PPP2R5C: variants seen among roughly 807,000 people sequenced by gnomAD.
PPP2R5C encodes protein phosphatase 2 regulatory subunit B'gamma.
PPP2R5C carries 7 observed loss-of-function variants against 68.9 expected under a neutral mutation model. The observed-to-expected ratio is 0.10, with a 90% CI of 0.06 to 0.19. The LOEUF is 0.19. Among genes scored for constraint, PPP2R5C ranks in the 10% least tolerant of loss-of-function variants. The pLI, the probability that PPP2R5C is intolerant of heterozygous loss-of-function variation, is 1.00. For missense variants in PPP2R5C, 348 were observed against 641.3 expected (o/e 0.54, Z 4.94); for synonymous variants, 210 against 222.2 (o/e 0.95, Z 0.49).
intron 5 of PPP2R5C, among the ~76,000 whole-genome samples, chr14:101,886,188 G>T (rs1297667320): frequency 6.6e-6 from 1 of 152,118 alleles, no homozygotes. Context: ...GGCTGAGGCG[G>T]GAGAATGGCG....
At chr14:101,861,721 G>A (rs1215001093) in intron 2 of PPP2R5C, among the ~76,000 whole-genome samples, 3 of 152,316 alleles carry the variant, frequency 2.0e-5, no homozygotes, top group Admixed American at 1.3e-4. Flanking sequence ...GGATGGAGCT[G>A]CCAGCCAAAC....
intron 1 of PPP2R5C, among the ~76,000 whole-genome samples, chr14:101,762,674 T>TG (rs1188952761): frequency 6.6e-6 from 1 of 151,992 alleles, no homozygotes; most frequent in Non-Finnish European, 1.5e-5. Context: ...GTTTTCTGCT[T>TG]GAAGTTTTCA....
intron 3 of PPP2R5C, among the ~76,000 whole-genome samples, chr14:101,802,011 A>G (rs1331045294): frequency 1.3e-5 from 2 of 152,246 alleles, no homozygotes; most frequent in Non-Finnish European, 2.9e-5. Flanking sequence ...AAACCCTCAC[A>G]TAGGTGGTCA....
intron 12 of PPP2R5C, 175 bp downstream of exon 14, chr14:101,912,648 A>G: frequency 7.9e-7 from 1 of 1,269,554 alleles, no homozygotes; most frequent in Non-Finnish European, 1.0e-6. Context: ...ACAAGTACTT[A>G]TTTTGCCCCA....
At chr14:101,823,829 T>C (rs2040234126) in intron 1 of PPP2R5C, 2 of 1,193,584 alleles carry the variant, frequency 1.7e-6, no homozygotes, top group African/African-American at 1.6e-5. Context: ...TACACGGTAC[T>C]TTCTGCTCTC....
rs1293365424 is a variant in PPP2R5C at position 101,856,967 on chromosome 14, G to C, written c.294+82G>C. On this transcript the variant is annotated intron_variant, in intron 2 of 13. Coordinates refer to ENST00000334743, the Ensembl canonical transcript of PPP2R5C. ...CCAAGATCTCTGAGCCTAACACAGT[G>C]CTACCCAGGAGAAGAATCCTCCTGT... 13 of 1,323,030 alleles carry C rather than the reference G, an allele frequency of 9.8e-6. No homozygotes were observed. In the Admixed American group the frequency reaches 1.8e-4, roughly 18 times the overall value. 82.0% of individuals were successfully genotyped at this position (1,323,030 alleles called of 1,614,324 possible). A position where few individuals can be genotyped will look rare whatever the true frequency, so the allele number is the denominator to read the frequency against.
At chr14:101,865,869 T>G (rs1450258929) in intron 2 of PPP2R5C, among the ~76,000 whole-genome samples, 1 of 152,176 alleles carries the variant, frequency 6.6e-6, no homozygotes, top group East Asian at 1.9e-4. Context: ...GGGACTTATT[T>G]CTAATTCTCG....
intron 13 of PPP2R5C, among the ~76,000 whole-genome samples, chr14:101,922,914 A>G (rs1297870378): frequency 5.9e-5 from 9 of 152,248 alleles, no homozygotes; most frequent in Non-Finnish European, 1.0e-4. Flanking sequence ...TTACACCTTT[A>G]TAAGAGGAAG....
chr14:101,907,811 C>T (rs985180916), intron 10 of PPP2R5C, among the ~76,000 whole-genome samples: 1 of 152,216 alleles, frequency 6.6e-6, no homozygotes, highest in Non-Finnish European at 1.5e-5. Context: ...CATGCACCCT[C>T]TCTCCTTGTC....
chr14:101,886,174 G>A (rs572365812), intron 5 of PPP2R5C, among the ~76,000 whole-genome samples: 17 of 152,172 alleles, frequency 1.1e-4, no homozygotes, highest in East Asian at 1.9e-4. Flanking sequence ...CCAGCTACTC[G>A]GGAGGCTGAG....
chr14:101,898,680 C>T (rs1234214306), intron 8 of PPP2R5C, among the ~76,000 whole-genome samples: 3 of 152,134 alleles, frequency 2.0e-5, no homozygotes, highest in Non-Finnish European at 4.4e-5. Flanking sequence ...ACCTAGGCCC[C>T]GATGTTCCCA....
chr14:101,763,071 C>A, intron 2 of PPP2R5C, 101 bp downstream of exon 2: 1 of 1,059,396 alleles, frequency 9.4e-7, no homozygotes, highest in East Asian at 2.6e-5. Context: ...AAAATGTTTC[C>A]CTATGTGAGG....
chr14:101,884,857 ACGCCCC>A (rs1174420117), intron 5 of PPP2R5C, among the ~76,000 whole-genome samples: 1 of 152,176 alleles, frequency 6.6e-6, no homozygotes, highest in Non-Finnish European at 1.5e-5. Context: ...GATTTGTCGC[ACGCCCC>A]ACCCCACTGC....
In PPP2R5C at chr14:101,888,672, A is replaced by G. The variant is rs1164916058; in HGVS notation, c.630-1565A>G. 6.6e-6 allele frequency among the ~76,000 whole-genome samples: 1 copy of G among 151,896 alleles called. No individual in the cohort carries two copies. The highest frequency in any genetic ancestry group is 1.5e-5 in the Non-Finnish European group (1 of 67,968). ...AGTGGCGCCATCTCAGCTCACTGCA[A>G]CCTCCATCTTCCAGGTTCAAGTGAT... On this transcript the variant is annotated intron_variant, in intron 5 of 13. Coordinates refer to ENST00000334743, the Ensembl canonical transcript of PPP2R5C. This position sits in a 1 kb window ranked among gnomAD's most constrained non-coding sequence, Gnocchi z 5.6.
Position 101,917,907 on chromosome 14 carries a change from T to C in PPP2R5C, c.1403T>C (p.Val468Ala). The change falls in exon 13 of 14, where the codon GTG becomes GCG. Residue 468 changes from valine (V) to alanine (A), a missense_variant. By Grantham distance (64) the Val-to-Ala change is moderately conservative (BLOSUM62 0). This residue lies in a region of PPP2R5C where 118 missense variants were observed against 108.9 expected (regional missense o/e 1.08). Coordinates refer to ENST00000334743, the Ensembl canonical transcript of PPP2R5C. The surrounding 1 kb of genome is among the most constrained non-coding windows in gnomAD (Gnocchi z 4.4). ...ACAGATGGGCCTTTATTTGAAGATG[T>C]GCAGATGCTGAGAAAGACAGTGAAG... is the stretch of plus-strand genomic sequence containing the variant. 1 of 1,613,874 alleles carries C rather than the reference T, an allele frequency of 6.2e-7. No individual in the cohort carries two copies. The highest frequency in any genetic ancestry group is 2.2e-5 in the East Asian group (1 of 44,886).
intron 2 of PPP2R5C, among the ~76,000 whole-genome samples, chr14:101,858,882 G>C (rs757836705): frequency 3.9e-5 from 6 of 152,064 alleles, no homozygotes; most frequent in Admixed American, 3.9e-4. Context: ...ACCGCCTCTC[G>C]TTTGTATTTC....
At chr14:101,844,043 A>T (rs2041658784) in intron 1 of PPP2R5C, 1 of 153,526 alleles carries the variant, frequency 6.5e-6, no homozygotes, top group African/African-American at 2.4e-5. Context: ...AACAATGCAC[A>T]ATTCATCCTT....
chr14:101,906,664 A>T lies in PPP2R5C; in HGVS notation c.1151+135A>T. ...AGAAGGTCAGTTGCTTTGTGGACTCATAAATTAAGTAGCAGCGTGGGTTGT... is the reference window on the plus strand; with the variant it reads ...AGAAGGTCAGTTGCTTTGTGGACTCTTAAATTAAGTAGCAGCGTGGGTTGT... On this transcript the variant is annotated intron_variant, in intron 10 of 13. Coordinates refer to ENST00000334743, the Ensembl canonical transcript of PPP2R5C. The surrounding 1 kb of genome is among the most constrained non-coding windows in gnomAD (Gnocchi z 4.0). 1 of 1,201,686 alleles carries T rather than the reference A, an allele frequency of 8.3e-7. No individual in the cohort carries two copies. The highest frequency in any genetic ancestry group is 1.6e-5 in the South Asian group (1 of 61,984). The allele number at this position is 1,201,686 out of a possible 1,614,324, so 74.4% of individuals were successfully genotyped here.
chr14:101,840,421 C>T (rs1489924204), intron 1 of PPP2R5C, among the ~76,000 whole-genome samples: 1 of 133,924 alleles, frequency 7.5e-6, no homozygotes, highest in African/African-American at 2.9e-5. Context: ...CCGCTTGCTG[C>T]TTTCTGGTTT....
Sources: gnomAD v4.1 joint callset for allele counts (sites outside exome capture counted in the v4.1 genomes callset) on GRCh38, gnomAD v4.1.1 for gene constraint, gnomAD v4.1.1 regional missense constraint, Gnocchi (gnomAD v3.1) non-coding constraint, MANE v1.5 for transcripts, NCBI Gene and HGNC (gene_info 2026-07-23, HGNC 2026-07-21) for gene names.